KCNB2: variants seen among roughly 807,000 people sequenced by gnomAD.
KCNB2 encodes the protein potassium voltage-gated channel subfamily B member 2, also known as delayed rectifier potassium channel protein.
A neutral mutation model predicts 61.5 loss-of-function variants in KCNB2; 15 were observed. The observed-to-expected ratio is 0.24, with a 90% CI of 0.16 to 0.38. The LOEUF (loss-of-function observed/expected upper bound fraction) is 0.38, where lower values mean the gene tolerates loss of function less well. Ranked by LOEUF, KCNB2 falls within the 10% of genes least tolerant of loss-of-function variation. The pLI is 1.00. For synonymous variants in KCNB2, 457 were observed against 446.0 expected (o/e 1.02, Z -0.31); for missense variants, 828 against 1,125.2 (o/e 0.74, Z 3.78).
chr8:72,922,171 A>G (rs892327826), intron 2 of KCNB2, among the ~76,000 whole-genome samples: 25 of 151,782 alleles, frequency 1.6e-4, no homozygotes, highest in African/African-American at 6.1e-4. Context: ...TAGCAATACC[A>G]CTCCAATCTC....
At chr8:72,683,273 T>C (rs985183044) in intron 2 of KCNB2, among the ~76,000 whole-genome samples, 4 of 152,238 alleles carry the variant, frequency 2.6e-5, no homozygotes, top group African/African-American at 9.6e-5. Flanking sequence ...TCTATTCCCC[T>C]TCAAAGGTTT....
intron 2 of KCNB2, among the ~76,000 whole-genome samples, chr8:72,647,158 G>T (rs183492641): frequency 6.6e-6 from 1 of 152,146 alleles, no homozygotes; most frequent in Admixed American, 6.6e-5. Context: ...TAAAATAGTT[G>T]TGGAGTTCTA....
chr8:72,580,248 C>T (rs1345919397), intron 2 of KCNB2, among the ~76,000 whole-genome samples: 1 of 152,152 alleles, frequency 6.6e-6, no homozygotes, highest in Non-Finnish European at 1.5e-5. Flanking sequence ...CATAGTTTGC[C>T]AACCACTACT....
chr8:72,865,122 G>T (rs1024851178), intron 2 of KCNB2, among the ~76,000 whole-genome samples: 1 of 152,088 alleles, frequency 6.6e-6, no homozygotes, highest in Non-Finnish European at 1.5e-5. Context: ...GGATTATTCT[G>T]GGCCTTTCCC....
chr8:72,926,577 T>C (rs567150272), intron 2 of KCNB2, among the ~76,000 whole-genome samples: 1 of 152,312 alleles, frequency 6.6e-6, no homozygotes, highest in South Asian at 2.1e-4. Flanking sequence ...CATTAGCTTT[T>C]CTTAACATAA....
chr8:72,747,934 T>C (rs1456020937), intron 2 of KCNB2, among the ~76,000 whole-genome samples: 6 of 152,214 alleles, frequency 3.9e-5, no homozygotes, highest in Admixed American at 3.9e-4. Flanking sequence ...ATAAAGCAAC[T>C]GCAGTTTTCT....
chr8:72,774,714 C>T lies in KCNB2; in HGVS notation c.580-161221C>T, dbSNP rs569827006. On this transcript the variant is annotated intron_variant, in intron 2 of 2. Coordinates refer to ENST00000523207, the MANE Select transcript of KCNB2 (RefSeq NM_004770.3). The stretch of plus-strand genomic sequence containing the variant: ...TATATAAAAATTATATTGATCAAAA[C>T]ATAAATAAGAATTCTCATGTCCTAC... 1.4e-3 allele frequency among the ~76,000 whole-genome samples: 213 copies of T among 152,130 alleles called. 1 individual carries two copies. The highest frequency in any genetic ancestry group is 4.8e-3 in the African/African-American group (199 of 41,508).
chr8:72,765,034 G>T (rs1026676967), intron 2 of KCNB2, among the ~76,000 whole-genome samples: 8 of 152,164 alleles, frequency 5.3e-5, no homozygotes, highest in African/African-American at 1.9e-4. Context: ...CTATAAAATA[G>T]GAAGAGACTG....
intron 2 of KCNB2, among the ~76,000 whole-genome samples, chr8:72,781,819 G>T (rs1808761453): frequency 6.6e-6 from 1 of 152,158 alleles, no homozygotes; most frequent in Non-Finnish European, 1.5e-5. Context: ...CAGGGACCTG[G>T]ATAGAGCTTG....
intron 2 of KCNB2, among the ~76,000 whole-genome samples, chr8:72,652,264 T>C (rs979204478): frequency 2.0e-5 from 3 of 152,138 alleles, no homozygotes; most frequent in African/African-American, 7.2e-5. Context: ...AATATACAAG[T>C]CCATAATGCT....
intron 2 of KCNB2, among the ~76,000 whole-genome samples, chr8:72,826,760 A>G (rs1463339203): frequency 6.6e-6 from 1 of 152,192 alleles, no homozygotes; most frequent in East Asian, 1.9e-4. Flanking sequence ...GAAAAGAACT[A>G]ATTTCTTCAC....
At chr8:72,729,985 T>C (rs2128993422) in intron 2 of KCNB2, among the ~76,000 whole-genome samples, 1 of 152,288 alleles carries the variant, frequency 6.6e-6, no homozygotes, top group East Asian at 1.9e-4. Context: ...AATTTGGTCA[T>C]TTCAGTTCTT....
intron 2 of KCNB2, among the ~76,000 whole-genome samples, chr8:72,886,878 G>C (rs773657552): frequency 6.6e-6 from 1 of 152,190 alleles, no homozygotes; most frequent in Non-Finnish European, 1.5e-5. Context: ...TAATCTGAAG[G>C]CTTAACCAAG....
At chr8:72,921,515 C>T (rs928535958) in intron 2 of KCNB2, among the ~76,000 whole-genome samples, 6 of 152,188 alleles carry the variant, frequency 3.9e-5, no homozygotes, top group Non-Finnish European at 8.8e-5. Flanking sequence ...ATCTAGGCAA[C>T]AGGATGAGGA....
chr8:72,660,225 G>A (rs1252038343), intron 2 of KCNB2, among the ~76,000 whole-genome samples: 1 of 152,172 alleles, frequency 6.6e-6, no homozygotes, highest in Non-Finnish European at 1.5e-5. Flanking sequence ...TTGGAAGGTG[G>A]CTTACTTTTT....
intron 2 of KCNB2, among the ~76,000 whole-genome samples, chr8:72,804,540 G>T (rs1809185522): frequency 6.6e-6 from 1 of 152,118 alleles, no homozygotes; most frequent in South Asian, 2.1e-4. Context: ...CTCCATTAAA[G>T]GTTTTCCAAA....
At chr8:72,799,488 C>T (rs1166866532) in intron 2 of KCNB2, among the ~76,000 whole-genome samples, 1 of 152,014 alleles carries the variant, frequency 6.6e-6, no homozygotes, top group Non-Finnish European at 1.5e-5. Flanking sequence ...CACTTTTAAA[C>T]AAAAATAATT....
intron 2 of KCNB2, among the ~76,000 whole-genome samples, chr8:72,812,880 C>T (rs891741330): frequency 1.3e-5 from 2 of 152,040 alleles, no homozygotes; most frequent in African/African-American, 4.8e-5. Flanking sequence ...CTTTTGGTAT[C>T]AATGTTGTGC....
intron 1 of KCNB2, among the ~76,000 whole-genome samples, chr8:72,563,282 G>T (rs1312933550): frequency 6.6e-6 from 1 of 152,138 alleles, no homozygotes; most frequent in Admixed American, 6.5e-5. Context: ...GGAAATAAAA[G>T]AATTTTAGGC....
Sources: allele counts gnomAD v4.1 joint callset (sites outside exome capture counted in the v4.1 genomes callset), GRCh38; gene constraint gnomAD v4.1.1; transcripts MANE v1.5; gene names NCBI Gene and HGNC (gene_info 2026-07-23, HGNC 2026-07-21).